Variants in CENPP observed in about 807,000 individuals in gnomAD.
The protein encoded by CENPP is centromere protein P.
In CENPP, 24 loss-of-function variants were observed where a neutral mutation model predicts 35.6. The observed-to-expected ratio is 0.67, with a 90% CI of 0.49 to 0.95. CENPP has a LOEUF of 0.95. CENPP is among the 40% of genes least tolerant of loss of function. The pLI is 0.00. For synonymous variants in CENPP, 120 were observed against 125.5 expected (o/e 0.96, Z 0.29); for missense variants, 332 against 345.3 (o/e 0.96, Z 0.31).
intron 5 of CENPP, among the ~76,000 whole-genome samples, chr9:92,492,901 T>C (rs779117618): frequency 6.6e-6 from 1 of 152,204 alleles, no homozygotes; most frequent in Non-Finnish European, 1.5e-5. Flanking sequence ...CTTGCAGCAC[T>C]GTGCTCGTTC....
At chr9:92,345,599 C>G (rs546785838) in intron 3 of CENPP, 100 bp from the exon 4 acceptor site, 4 of 652,288 alleles carry the variant, frequency 6.1e-6, no homozygotes, top group Non-Finnish European at 1.1e-5. Flanking sequence ...ATTACTCTTT[C>G]CTTTTATTTG....
chr9:92,447,124 C>T (rs1463219785), intron 5 of CENPP, among the ~76,000 whole-genome samples: 2 of 151,852 alleles, frequency 1.3e-5, no homozygotes, highest in Non-Finnish European at 2.9e-5. Flanking sequence ...TCACCAGGGA[C>T]CAGTTTTGTG....
intron 5 of CENPP, chr9:92,500,766 T>A (rs774424324): frequency 6.2e-7 from 1 of 1,613,878 alleles, no homozygotes; most frequent in South Asian, 1.1e-5. Flanking sequence ...ATGTAGTGCT[T>A]TCATTTCTTG....
At chr9:92,547,153 T>C (rs966914905) in intron 5 of CENPP, among the ~76,000 whole-genome samples, 2 of 152,174 alleles carry the variant, frequency 1.3e-5, no homozygotes, top group Non-Finnish European at 2.9e-5. Context: ...TCTTAATAGA[T>C]GCAAAAAAAA....
chr9:92,533,643 G>A (rs998881049), intron 5 of CENPP, among the ~76,000 whole-genome samples: 1 of 151,846 alleles, frequency 6.6e-6, no homozygotes, highest in Non-Finnish European at 1.5e-5. Context: ...ATCAGAAGGA[G>A]AAGCTCCCTC....
intron 5 of CENPP, among the ~76,000 whole-genome samples, chr9:92,515,400 A>C (rs1847640501): frequency 6.6e-6 from 1 of 152,222 alleles, no homozygotes; most frequent in African/African-American, 2.4e-5. Context: ...TATCTGTTAC[A>C]TTTTATTCAC....
intron 5 of CENPP, among the ~76,000 whole-genome samples, chr9:92,578,134 A>T (rs1850330245): frequency 6.6e-6 from 1 of 151,858 alleles, no homozygotes; most frequent in African/African-American, 2.4e-5. Context: ...TGAACTCGTC[A>T]TTTTTTATGG....
chr9:92,523,886 G>T (rs1160853209), intron 5 of CENPP, among the ~76,000 whole-genome samples: 1 of 152,156 alleles, frequency 6.6e-6, no homozygotes, highest in African/African-American at 2.4e-5. Context: ...ACCTCTTGTG[G>T]CTTTCCACAA....
At chr9:92,448,790 T>G (rs1447718933) in intron 5 of CENPP, among the ~76,000 whole-genome samples, 1 of 152,168 alleles carries the variant, frequency 6.6e-6, no homozygotes, top group Non-Finnish European at 1.5e-5. Flanking sequence ...GTCTACACCT[T>G]AGCAGAATCG....
intron 2 of CENPP, among the ~76,000 whole-genome samples, chr9:92,332,798 A>C (rs1840795244): frequency 6.7e-6 from 1 of 149,528 alleles, no homozygotes; most frequent in Non-Finnish European, 1.5e-5. Context: ...ACAGAGCAAG[A>C]CTCCATTTAA....
At chr9:92,445,951 T>G (rs987791533) in intron 5 of CENPP, among the ~76,000 whole-genome samples, 1 of 152,188 alleles carries the variant, frequency 6.6e-6, no homozygotes, top group African/African-American at 2.4e-5. Flanking sequence ...TGGTTATAAA[T>G]TAATAATTTT....
chr9:92,532,030 T>TC (rs1236230389), intron 5 of CENPP, among the ~76,000 whole-genome samples: 1 of 125,758 alleles, frequency 8.0e-6, no homozygotes, highest in East Asian at 2.2e-4. Flanking sequence ...TTTTTTTTTA[T>TC]TTTATTTTTT....
intron 5 of CENPP, among the ~76,000 whole-genome samples, chr9:92,591,694 A>C (rs1850667848): frequency 1.3e-5 from 2 of 152,222 alleles, no homozygotes; most frequent in South Asian, 2.1e-4. Context: ...TCTCTAGGAT[A>C]AGATAAATGT....
intron 5 of CENPP, among the ~76,000 whole-genome samples, chr9:92,509,267 C>T (rs1012286083): frequency 1.3e-5 from 2 of 152,052 alleles, no homozygotes; most frequent in Non-Finnish European, 2.9e-5. Context: ...CAGCCCAAGC[C>T]CTCTCAGGCA....
At chr9:92,516,811 A>T (rs1214563184) in intron 5 of CENPP, 2 of 152,218 alleles carry the variant, frequency 1.3e-5, no homozygotes, top group Non-Finnish European at 2.9e-5. Flanking sequence ...ATTTGGTAGT[A>T]TAACGCAAAA....
chr9:92,414,517 A>G, intron 5 of CENPP: 1 of 209,970 alleles, frequency 4.8e-6, no homozygotes, highest in East Asian at 7.3e-5. Flanking sequence ...ATTCTGAGGC[A>G]AAAAGATTAG....
intron 5 of CENPP, among the ~76,000 whole-genome samples, chr9:92,396,137 A>G (rs2130912649): frequency 6.6e-6 from 1 of 152,108 alleles, no homozygotes; most frequent in East Asian, 1.9e-4. Flanking sequence ...TCCCCATTGA[A>G]TTGTATTGTC....
chr9:92,391,422 TA>T (rs1397947257), intron 5 of CENPP, among the ~76,000 whole-genome samples: 1 of 150,710 alleles, frequency 6.6e-6, no homozygotes, highest in East Asian at 2.0e-4. Flanking sequence ...ATAAATAAAT[TA>T]AATTAAATTA....
In CENPP at chr9:92,363,195, T is replaced by C. The variant is rs1429078015; in HGVS notation, c.468-16568T>C. ...GGAGTGTCTTTGCTTCTTGGTTCTT[T>C]CAACAAACAGTACTAGGAAATATGT... On this transcript the variant is annotated intron_variant, in intron 4 of 7. Coordinates refer to ENST00000375587, the MANE Select transcript of CENPP (RefSeq NM_001012267.3). 4.6e-5 allele frequency among the ~76,000 whole-genome samples: 7 copies of C among 151,036 alleles called. No individual in the cohort carries two copies. In the Admixed American group the frequency reaches 4.7e-4, roughly 10 times the overall value.
Sources: gnomAD v4.1 joint callset for allele counts (sites outside exome capture counted in the v4.1 genomes callset) on GRCh38, gnomAD v4.1.1 for gene constraint, MANE v1.5 for transcripts, NCBI Gene and HGNC (gene_info 2026-07-23, HGNC 2026-07-21) for gene names.